IQGAP3: variants seen among roughly 807,000 people sequenced by gnomAD.
The protein encoded by IQGAP3 is ras GTPase-activating-like protein IQGAP3.
In IQGAP3, 165 loss-of-function variants were observed where a neutral mutation model predicts 208.2. The ratio of observed to expected loss-of-function variants is 0.79; its 90% CI spans 0.70 to 0.90. The LOEUF is 0.90. Among genes scored for constraint, IQGAP3 ranks in the 40% least tolerant of loss-of-function variants. IQGAP3 has a pLI of 0.00. For synonymous variants in IQGAP3, 703 were observed against 803.6 expected (o/e 0.87, Z 2.12); for missense variants, 1,811 against 2,043.1 (o/e 0.89, Z 2.19).
intron 9 of IQGAP3, among the ~76,000 whole-genome samples, 172 bp downstream of exon 9, chr1:156,562,415 T>C (rs1171546): frequency 0.96 from 146,384 of 152,202 alleles, 70,660 homozygotes; most frequent in East Asian, 1. Context: ...TAGACACCGA[T>C]GGCCAGAAAG....
In IQGAP3 at chr1:156,566,622, T is replaced by C. The variant is rs949732921; in HGVS notation, c.126-76A>G. 2.4e-5 allele frequency: 35 copies of C among 1,438,870 alleles called. No homozygotes were observed. In the Middle Eastern group the frequency reaches 5.3e-4, roughly 22 times the overall value. The allele number at this position is 1,438,870 out of a possible 1,614,324, so 89.1% of individuals were successfully genotyped here. A position where few individuals can be genotyped will look rare whatever the true frequency, so the allele number is the denominator to read the frequency against. ...TATTCTAACAACAGGAACTTCCCTC[T>C]GTCCCTCCTTTTAAGTGGCCCCTGA... On this transcript the variant is annotated intron_variant, in intron 2 of 37. Coordinates refer to ENST00000361170, the MANE Select transcript of IQGAP3 (RefSeq NM_178229.5).
At position 156,548,580 on chromosome 1, in the gene IQGAP3, C is replaced by A; in HGVS notation, c.1993+1G>T. The A allele has an allele frequency of 6.3e-7, 1 of 1,599,142 alleles. No homozygotes were observed. The highest frequency in any genetic ancestry group is 8.5e-7 in the Non-Finnish European group (1 of 1,170,026). On this transcript the variant is annotated splice_donor_variant, in intron 17 of 37. Coordinates refer to ENST00000361170, the MANE Select transcript of IQGAP3 (RefSeq NM_178229.5). LOFTEE classifies it high-confidence loss of function. ...GAGGAGGGTCAGGTTGGGGCCATTA[C>A]CTGGACGCTGTTTCTTTGCCATGGC...
In IQGAP3 at chr1:156,548,420, G is replaced by A. The variant is rs368888876; in HGVS notation, c.2061C>T (p.Thr687=). 2.6e-5 allele frequency: 42 copies of A among 1,613,886 alleles called. No individual in the cohort carries two copies. Among genetic ancestry groups the A allele is most frequent in the African/African-American group, 6.7e-5 (5 of 74,860 alleles). The change falls in exon 18 of 38, where the codon ACC becomes ACT. Residue 687 remains threonine, a synonymous_variant. Coordinates refer to ENST00000361170, the MANE Select transcript of IQGAP3 (RefSeq NM_178229.5). ...GAGGTTGCTCCCAGATCCCCTGGAA[G>A]GTCTGCAGATGGAAGTAGTAGGCAG... ...DGTAYYFHLQ[T]FQGIWEQPPG...
intron 22 of IQGAP3, among the ~76,000 whole-genome samples, chr1:156,542,181 G>A (rs1675018347): frequency 6.6e-6 from 1 of 152,108 alleles, no homozygotes; most frequent in South Asian, 2.1e-4. Flanking sequence ...TACAGTAGGG[G>A]AACAAATCTT....
intron 11 of IQGAP3, among the ~76,000 whole-genome samples, chr1:156,560,011 T>A (rs908227041): frequency 6.6e-6 from 1 of 152,192 alleles, no homozygotes; most frequent in Non-Finnish European, 1.5e-5. Flanking sequence ...AGCTAGTGAA[T>A]GTCGGAAAGC....
rs748270129 is a variant in IQGAP3, at chr1:156,548,656, G to A, written c.1918C>T (p.Arg640Ter). ...TTGGCACAGTCGGGAACTACCCCTC[G>A]AAGGGCCACTGCGGGGTTCCTCAAC... ...RVLRNPAVAL[R>*]GVVPDCANGY... is the part of the protein sequence containing the mutation. The change falls in exon 17 of 38, where the codon CGA (arginine) becomes TGA (stop). Residue 640 changes from arginine to a stop codon, truncating the protein, a stop_gained. Transcript: ENST00000361170. LOFTEE classifies it high-confidence loss of function. The A allele has an allele frequency of 3.7e-6, 6 of 1,612,462 alleles. No homozygotes were observed. The East Asian group carries it at 1.1e-4, about 30-fold the overall frequency.
At chr1:156,551,935 A>C in intron 14 of IQGAP3, 39 bp downstream of exon 14, 3 of 1,605,798 alleles carry the variant, frequency 1.9e-6, no homozygotes, top group Non-Finnish European at 2.6e-6. Context: ...AGGACTGCCT[A>C]AGTTGGGCCA....
At chr1:156,569,528 C>T (rs868080172) in intron 1 of IQGAP3, 65 bp from the exon 2 acceptor site, 2,184 of 138,058 alleles carry the variant, frequency 0.016, no homozygotes, top group South Asian at 0.042. Flanking sequence ...ACTGAAGGGT[C>T]TTTTTTTTTT....
Position 156,566,085 on chromosome 1 carries a change from C to T in IQGAP3, c.302G>A (p.Arg101His), listed in dbSNP as rs373490687. 203 of 1,613,698 alleles carry T rather than the reference C, an allele frequency of 1.3e-4. No homozygotes were observed. In the South Asian group the frequency reaches 1.6e-3, roughly 13 times the overall value. Residue 101 changes from arginine to histidine, a missense_variant, in exon 4 of 38, where the codon CGT becomes CAT. Physicochemically the swap from Arg to His is conservative, Grantham distance 29. Transcript: ENST00000361170. ...LRYQATGLHF[R>H]HTDNINFWLS... Reference sequence around the variant, plus strand: ...CCAAAAGTTGATGTTGTCTGTGTGACGGAAATGTAAGCCAGTTGCCTGAAA... The same window carrying T: ...CCAAAAGTTGATGTTGTCTGTGTGATGGAAATGTAAGCCAGTTGCCTGAAA...
chr1:156,531,903 C>T (rs1674427385), intron 32 of IQGAP3, among the ~76,000 whole-genome samples: 1 of 151,952 alleles, frequency 6.6e-6, no homozygotes, highest in Admixed American at 6.6e-5. Flanking sequence ...CCGCACCTGG[C>T]CAGCTCACTT....
chr1:156,556,581 T>C lies in IQGAP3; in HGVS notation c.1242A>G (p.Ala414=), dbSNP rs756548330. ...CCAGCTCCAGCTGGTACATAGACGATGCAACAGGGTACACTGGAGGCAGCT... is the reference window on the plus strand; with the variant it reads ...CCAGCTCCAGCTGGTACATAGACGACGCAACAGGGTACACTGGAGGCAGCT... The part of the protein sequence containing the change: ...EAQLPPVYPV[A]SSMYQLELAV... The change falls in exon 12 of 38, where the codon GCA becomes GCG. Residue 414 remains alanine (A), a synonymous_variant. Transcript: ENST00000361170. 1.2e-6 allele frequency: 2 copies of C among 1,613,610 alleles called. No individual in the cohort carries two copies. The highest frequency in any genetic ancestry group is 1.7e-6 in the Non-Finnish European group (2 of 1,179,618).
intron 22 of IQGAP3, among the ~76,000 whole-genome samples, chr1:156,543,268 C>A (rs1255300695): frequency 6.6e-6 from 1 of 152,010 alleles, no homozygotes; most frequent in Non-Finnish European, 1.5e-5. Context: ...AAGGGACAGG[C>A]AAAGCCCCTG....
intron 2 of IQGAP3, among the ~76,000 whole-genome samples, chr1:156,568,210 G>C (rs77390831): frequency 0.045 from 6,896 of 152,172 alleles, 211 homozygotes; most frequent in South Asian, 0.084. Flanking sequence ...GTCAAAAATG[G>C]CTTTTTGTTT....
At chr1:156,550,460 A>G in intron 15 of IQGAP3, 109 bp from the exon 16 acceptor site, 1 of 738,822 alleles carries the variant, frequency 1.4e-6, no homozygotes, top group Non-Finnish European at 2.4e-6. Flanking sequence ...TGGGAGCCAC[A>G]GGGACAGTGA....
intron 22 of IQGAP3, among the ~76,000 whole-genome samples, chr1:156,541,737 C>T (rs1401962503): frequency 2.0e-5 from 3 of 152,130 alleles, no homozygotes; most frequent in Non-Finnish European, 4.4e-5. Context: ...TAAAACTAGT[C>T]CCTGTCCCTA....
chr1:156,544,449 C>T lies in IQGAP3; in HGVS notation c.2328G>A (p.Gln776=), dbSNP rs372723392. 8 of 1,614,002 alleles carry T rather than the reference C, an allele frequency of 5.0e-6. No individual in the cohort carries two copies. Among genetic ancestry groups the T allele is most frequent in the Non-Finnish European group, 6.8e-6 (8 of 1,179,966 alleles). The part of the protein sequence containing the change: ...KIQAHWRGYR[Q]RKIYLEWLQY... ...GCAACCACTCCAGGTAAATCTTCCG[C>T]TGCCTATAACCCCGCCAATGAGCCT... The change falls in exon 20 of 38, where the codon CAG becomes CAA. Residue 776 remains glutamine (Q), a synonymous_variant. Coordinates refer to ENST00000361170, the MANE Select transcript of IQGAP3 (RefSeq NM_178229.5).
Position 156,533,015 on chromosome 1 carries a change from A to G in IQGAP3, c.4068T>C (p.Asp1356=). Residue 1356 remains aspartate (D), a synonymous_variant, in exon 32 of 38, where the codon GAT becomes GAC. Coordinates refer to ENST00000361170, the MANE Select transcript of IQGAP3 (RefSeq NM_178229.5). The part of the protein sequence containing the change: ...LTNKFEGLEA[D]ADDSNTRSLL... The stretch of plus-strand genomic sequence containing the variant: ...GGCTACGGGTGTTGGAGTCATCAGC[A>G]TCTGCCTCTAGTCCTTCAAACTTGT... 1.2e-6 allele frequency: 2 copies of G among 1,614,118 alleles called. No homozygotes were observed. The highest frequency in any genetic ancestry group is 2.2e-5 in the East Asian group (1 of 44,872).
intron 7 of IQGAP3, 78 bp downstream of exon 7, chr1:156,563,475 C>A: frequency 7.3e-7 from 1 of 1,373,462 alleles, no homozygotes. Context: ...TGGCCAGAAC[C>A]CATCCAATGG....
chr1:156,537,422 T>G, intron 26 of IQGAP3, 101 bp from the exon 27 acceptor site: 1 of 1,184,634 alleles, frequency 8.4e-7, no homozygotes, highest in Non-Finnish European at 1.2e-6. Flanking sequence ...CAAGATCTCA[T>G]ACAGATGTGC....
Sources: gnomAD v4.1 joint callset for allele counts (sites outside exome capture counted in the v4.1 genomes callset) on GRCh38, gnomAD v4.1.1 for gene constraint, MANE v1.5 for transcripts, NCBI Gene and HGNC (gene_info 2026-07-23, HGNC 2026-07-21) for gene names.